The following DYSF variants were observed in gnomAD, a reference collection of about 807,000 sequenced individuals.
DYSF encodes dysferlin, also known as dystrophy-associated fer-1-like 1.
DYSF carries 212 observed loss-of-function variants against 274.9 expected under a neutral mutation model. The observed-to-expected ratio is 0.77, with a 90% confidence interval of 0.69 to 0.86. The LOEUF (loss-of-function observed/expected upper bound fraction) is 0.86, where lower values mean the gene tolerates loss of function less well. Ranked by LOEUF, DYSF falls within the 40% of genes least tolerant of loss-of-function variation. The probability of loss-of-function intolerance (pLI) is 0.00; values close to 1 mark genes in which losing one functional copy is unlikely to be tolerated. For synonymous variants in DYSF, 1,091 were observed against 1,078.7 expected (o/e 1.01, Z -0.22); for missense variants, 2,666 against 2,783.2 (o/e 0.96, Z 0.95).
chr2:71,520,686 G>A (rs1031780553), intron 11 of DYSF, 103 bp from the exon 12 acceptor site: 3 of 942,676 alleles, frequency 3.2e-6, no homozygotes, highest in East Asian at 4.8e-5. Context: ...CCCAGCGGAT[G>A]AGTCCTTTAC....
At chr2:71,503,112 T>C (rs1573563732) in intron 3 of DYSF, 102 bp from the exon 4 acceptor site, 2 of 1,054,688 alleles carry the variant, frequency 1.9e-6, no homozygotes, top group East Asian at 2.4e-5. Context: ...CTGTGTGGTC[T>C]AGGCAGACCA....
intron 42 of DYSF, among the ~76,000 whole-genome samples, chr2:71,648,697 T>C (rs1331465238): frequency 6.6e-6 from 1 of 152,220 alleles, no homozygotes; most frequent in Non-Finnish European, 1.5e-5. Flanking sequence ...TACTGTACTT[T>C]AGAGATAAAG....
In DYSF at chr2:71,589,632, G is replaced by A. The variant is rs148925399; in HGVS notation, c.3442G>A (p.Val1148Ile). 52 of 1,614,050 alleles carry A rather than the reference G, an allele frequency of 3.2e-5. No individual in the cohort carries two copies. Among genetic ancestry groups the A allele is most frequent in the East Asian group, 6.7e-5 (3 of 44,872 alleles). ...TGACAAGAGTGAAGATTCCATGTCC[G>A]TCTCCACCTTGAGCTTCGGTGTGAA... is the stretch of plus-strand genomic sequence containing the variant. ...MDDKSEDSMS[V>I]STLSFGVNRP... Residue 1148 changes from valine (V) to isoleucine (I), a missense_variant, in exon 31 of 56, where the codon GTC becomes ATC. This residue lies in a region of DYSF where 1,460 missense variants were observed against 1,502.1 expected (regional missense o/e 0.97). Transcript: ENST00000410020.
intron 29 of DYSF, among the ~76,000 whole-genome samples, chr2:71,573,679 T>A (rs574923786): frequency 7.2e-5 from 11 of 152,248 alleles, no homozygotes; most frequent in African/African-American, 2.6e-4. Context: ...ATTCATGAAA[T>A]CCACCCAGAA....
At chr2:71,638,773 A>C (rs1421012951) in intron 41 of DYSF, among the ~76,000 whole-genome samples, 1 of 152,188 alleles carries the variant, frequency 6.6e-6, no homozygotes, top group Non-Finnish European at 1.5e-5. Flanking sequence ...AGCTGTTATG[A>C]ATAATGCTGC....
chr2:71,679,849 A>G (rs1210397283), intron 53 of DYSF, among the ~76,000 whole-genome samples: 8 of 152,134 alleles, frequency 5.3e-5, no homozygotes, highest in Admixed American at 5.2e-4. Flanking sequence ...AACGACATGC[A>G]TAGCTAATTC....
intron 42 of DYSF, among the ~76,000 whole-genome samples, chr2:71,647,574 G>A (rs1401486883): frequency 6.6e-6 from 1 of 152,120 alleles, no homozygotes; most frequent in Admixed American, 6.5e-5. Context: ...ACAAACAGAA[G>A]CCACAGACTT....
At position 71,503,237 on chromosome 2, in the gene DYSF, C is replaced by T. The variant is rs1257234115; in HGVS notation, c.263C>T (p.Pro88Leu). 6.2e-7 allele frequency: 1 copy of T among 1,614,092 alleles called. No homozygotes were observed. The highest frequency in any genetic ancestry group is 2.2e-5 in the East Asian group (1 of 44,870). ...RNRFLGEAKV[P>L]LREVLATPSL... is the part of the protein sequence containing the mutation. ...AGGTTCCTGGGGGAAGCCAAGGTCC[C>T]ACTCCGAGAGGTCCTCGCCACCCCT... The change falls in exon 4 of 56, where the codon CCA becomes CTA. Residue 88 changes from proline to leucine, a missense_variant. Pro to Leu is a moderately conservative substitution (Grantham distance 98, BLOSUM62 -3). Transcript: ENST00000410020.
intron 40 of DYSF, among the ~76,000 whole-genome samples, chr2:71,617,992 GTA>G (rs1209613670): frequency 1.4e-5 from 2 of 138,684 alleles, no homozygotes; most frequent in Non-Finnish European, 3.1e-5. Context: ...TAGAGGTGAG[GTA>G]TATGTGTGTG....
chr2:71,599,665 A>G (rs2093495664), intron 33 of DYSF, among the ~76,000 whole-genome samples: 1 of 152,164 alleles, frequency 6.6e-6, no homozygotes, highest in Non-Finnish European at 1.5e-5. Context: ...GCCGGAAGAG[A>G]TCCACTGGGC....
chr2:71,558,542 G>A (rs1249047306), intron 22 of DYSF, among the ~76,000 whole-genome samples: 2 of 152,198 alleles, frequency 1.3e-5, no homozygotes, highest in South Asian at 2.1e-4. Context: ...GGTTCTACCC[G>A]TGGCCCTGCA....
At chr2:71,635,157 G>C (rs894963819) in intron 41 of DYSF, among the ~76,000 whole-genome samples, 1 of 152,188 alleles carries the variant, frequency 6.6e-6, no homozygotes, top group Non-Finnish European at 1.5e-5. Flanking sequence ...TGACCTGGAG[G>C]CAGGGTGTGC....
chr2:71,464,477 G>C (rs1313490522), upstream of DYSF, among the ~76,000 whole-genome samples: 2 of 152,228 alleles, frequency 1.3e-5, no homozygotes, highest in Non-Finnish European at 2.9e-5. Flanking sequence ...GGTCTCACTG[G>C]AGTTGATATC....
rs780997016 is a variant in DYSF, at chr2:71,561,984, TG to T, written c.2409+41del. On this transcript the variant is annotated intron_variant, in intron 23 of 55. Transcript: ENST00000410020. ...GGGTGCCTTTCTTCTTCTGCTCTCC[TG>T]CTGCCTGGAACATCAGAACTGGCAG... 6 of 1,597,944 alleles carry T rather than the reference TG, an allele frequency of 3.8e-6. No homozygotes were observed. In the South Asian group the frequency reaches 6.7e-5, roughly 18 times the overall value.
chr2:71,519,811 G>GTTTTTTTTTTTTTTTTTTTTTTTTTTTT (rs70959241), intron 10 of DYSF, among the ~76,000 whole-genome samples: 1 of 102,286 alleles, frequency 9.8e-6, no homozygotes, highest in Non-Finnish European at 1.9e-5. Flanking sequence ...CACCCGGCTA[G>GTTTTTTTTTTTTTTTTTTTTTTTTTTTT]TTTTTTTTTT....
In DYSF at chr2:71,665,256, A is replaced by C. The variant is rs746919714; in HGVS notation, c.5269A>C (p.Thr1757Pro). Residue 1757 changes from threonine (T) to proline (P), a missense_variant, in exon 47 of 56, where the codon ACA becomes CCA. Coordinates refer to ENST00000410020, the MANE Select transcript of DYSF (RefSeq NM_001130987.2). ...TAGAGTCAAGGCACCTGTGTACCGG[A>C]CAGACCGTGTAATGTTTCAGGATAA... ...QHRVKAPVYR[T>P]DRVMFQDKEY... The C allele has an allele frequency of 5.0e-5, 80 of 1,614,042 alleles. No homozygotes were observed. Among genetic ancestry groups the C allele is most frequent in the Non-Finnish European group, 6.5e-5 (77 of 1,180,044 alleles).
Position 71,615,310 on chromosome 2 carries a change from A to T in DYSF, c.4464+1900A>T, listed in dbSNP as rs1453803090. 6.6e-6 allele frequency among the ~76,000 whole-genome samples: 1 copy of T among 152,002 alleles called. No homozygotes were observed. Among genetic ancestry groups the T allele is most frequent in the Non-Finnish European group, 1.5e-5 (1 of 67,984 alleles). ...ACCAGCAGCACTGGTGGGAGCTGGG[A>T]TGGGGCTCCTGGAGGTGTACCCACC... is the stretch of plus-strand genomic sequence containing the variant. On this transcript the variant is annotated intron_variant, in intron 40 of 55. Transcript: ENST00000410020. This position sits in a 1 kb window ranked among gnomAD's most constrained non-coding sequence, Gnocchi z 4.9.
intron 40 of DYSF, among the ~76,000 whole-genome samples, chr2:71,617,263 T>G (rs1255586691): frequency 6.6e-6 from 1 of 152,196 alleles, no homozygotes; most frequent in Non-Finnish European, 1.5e-5. Context: ...CCGACTCTGG[T>G]CACAAAGAGA....
chr2:71,511,516 A>G (rs1573624155), intron 4 of DYSF, among the ~76,000 whole-genome samples: 1 of 152,318 alleles, frequency 6.6e-6, no homozygotes, highest in African/African-American at 2.4e-5. Context: ...TGCTATTGCT[A>G]TGACTAACCC....
Sources: gnomAD v4.1 joint callset for allele counts (sites outside exome capture counted in the v4.1 genomes callset) on GRCh38, gnomAD v4.1.1 for gene constraint, gnomAD v4.1.1 regional missense constraint, Gnocchi (gnomAD v3.1) non-coding constraint, MANE v1.5 for transcripts, NCBI Gene and HGNC (gene_info 2026-07-23, HGNC 2026-07-21) for gene names.